Variants in LASP1 observed in about 807,000 individuals in gnomAD.
LASP1 encodes LIM and SH3 protein 1.
A neutral mutation model predicts 38.6 loss-of-function variants in LASP1; 10 were observed. The observed-to-expected ratio is 0.26, with a 90% CI of 0.16 to 0.44. The LOEUF is 0.44. LASP1 is among the 20% of genes least tolerant of loss of function. The pLI, the probability that LASP1 is intolerant of heterozygous loss-of-function variation, is 1.00. For missense variants in LASP1, 243 were observed against 375.7 expected (o/e 0.65, Z 2.92); for synonymous variants, 132 against 140.8 (o/e 0.94, Z 0.44).
Position 38,890,279 on chromosome 17 carries a change from C to T in LASP1, c.165-141C>T, listed in dbSNP as rs1196395034. The stretch of plus-strand genomic sequence containing the variant: ...GTCTCCCCTCGGCCTTGGTGGTGGA[C>T]ACTGAAGTCCTCCTGTGGGGCCGGG... On this transcript the variant is annotated intron_variant, in intron 2 of 6. Transcript: ENST00000318008. 10 of 682,856 alleles carry T rather than the reference C, an allele frequency of 1.5e-5. No homozygotes were observed. The Admixed American group carries it at 2.5e-4, about 17-fold the overall frequency. The allele number at this position is 682,856 out of a possible 1,614,324, so 42.3% of individuals were successfully genotyped here. A position where few individuals can be genotyped will look rare whatever the true frequency, so the allele number is the denominator to read the frequency against.
At chr17:38,887,839 C>T (rs1914187694) in intron 2 of LASP1, among the ~76,000 whole-genome samples, 1 of 152,220 alleles carries the variant, frequency 6.6e-6, no homozygotes, top group South Asian at 2.1e-4. Flanking sequence ...GGGGAAGTCG[C>T]CTGTTTACAG....
chr17:38,914,961 A>C (rs1218091697), intron 5 of LASP1, 82 bp from the exon 6 acceptor site: 3 of 1,292,736 alleles, frequency 2.3e-6, no homozygotes, highest in Non-Finnish European at 3.3e-6. Flanking sequence ...GTGGAAGTGC[A>C]TGGTATGGAC....
At chr17:38,903,325 A>T (rs1158945467) in intron 4 of LASP1, among the ~76,000 whole-genome samples, 1 of 152,160 alleles carries the variant, frequency 6.6e-6, no homozygotes, top group East Asian at 1.9e-4. Flanking sequence ...GGTTGCAAGG[A>T]ACATGCCAAG....
In LASP1 at chr17:38,919,228, C is replaced by G. The variant is rs1363726575; in HGVS notation, c.*450C>G. ...ATCCACTTCTTGGTTCCTGGGATGGCGATGGGGACTCTGCCGCTGTGTAGG... is the reference window on the plus strand; with the variant it reads ...ATCCACTTCTTGGTTCCTGGGATGGGGATGGGGACTCTGCCGCTGTGTAGG... On this transcript the variant is annotated 3_prime_UTR_variant, in exon 7 of 7. Transcript: ENST00000318008. 1 of 262,210 alleles carries G rather than the reference C, an allele frequency of 3.8e-6. No individual in the cohort carries two copies. Among genetic ancestry groups the G allele is most frequent in the East Asian group, 5.6e-5 (1 of 17,822 alleles). The allele number at this position is 262,210 out of a possible 1,614,324, so 16.2% of individuals were successfully genotyped here.
At chr17:38,877,945 C>T in intron 1 of LASP1, 141 bp from the exon 2 acceptor site, 1 of 630,338 alleles carries the variant, frequency 1.6e-6, no homozygotes, top group Non-Finnish European at 2.9e-6. Context: ...GCCCCCAGCT[C>T]ACCTGGGATG....
chr17:38,885,368 C>T (rs2143754316), intron 2 of LASP1, among the ~76,000 whole-genome samples: 1 of 152,322 alleles, frequency 6.6e-6, no homozygotes, highest in Non-Finnish European at 1.5e-5. Flanking sequence ...CTTTGTGTCT[C>T]TGTAAATTGT....
Position 38,920,343 on chromosome 17 carries a change from G to A in LASP1, c.*1565G>A, listed in dbSNP as rs982737228. ...AAAGCTCCCTTGAAGCAAGAAAGAGGGTCCCAGGGCTGCAAAACTGGAAGC... is the reference window on the plus strand; with the variant it reads ...AAAGCTCCCTTGAAGCAAGAAAGAGAGTCCCAGGGCTGCAAAACTGGAAGC... On this transcript the variant is annotated 3_prime_UTR_variant, in exon 7 of 7. Coordinates refer to ENST00000318008, the MANE Select transcript of LASP1 (RefSeq NM_006148.4). The A allele has an allele frequency of 8.1e-6, 3 of 369,942 alleles. No individual in the cohort carries two copies. The highest frequency in any genetic ancestry group is 6.0e-5 in the African/African-American group (3 of 49,978). The allele number at this position is 369,942 out of a possible 1,614,324, so 22.9% of individuals were successfully genotyped here.
At chr17:38,898,108 C>G (rs188513273) in intron 3 of LASP1, among the ~76,000 whole-genome samples, 21 of 152,252 alleles carry the variant, frequency 1.4e-4, no homozygotes, top group African/African-American at 5.1e-4. Flanking sequence ...TTTCCTGATC[C>G]GTAAATTGGA....
chr17:38,901,776 A>T (rs933113007), intron 4 of LASP1, among the ~76,000 whole-genome samples: 1 of 151,198 alleles, frequency 6.6e-6, no homozygotes, highest in African/African-American at 2.4e-5. Flanking sequence ...TTTTATTTTT[A>T]TTTTTTTGAG....
At chr17:38,906,222 G>A (rs1219903328) in intron 4 of LASP1, among the ~76,000 whole-genome samples, 1 of 151,952 alleles carries the variant, frequency 6.6e-6, no homozygotes, top group Non-Finnish European at 1.5e-5. Context: ...CAGTATTCTC[G>A]GGCTGGCTGA....
intron 1 of LASP1, among the ~76,000 whole-genome samples, chr17:38,870,843 T>G (rs1913585834): frequency 6.6e-6 from 1 of 152,180 alleles, no homozygotes; most frequent in Non-Finnish European, 1.5e-5. Flanking sequence ...AGAGCCCCGT[T>G]TTTGAACGAC....
At chr17:38,873,127 A>G (rs1015567133) in intron 1 of LASP1, among the ~76,000 whole-genome samples, 1 of 152,030 alleles carries the variant, frequency 6.6e-6, no homozygotes, top group African/African-American at 2.4e-5. Flanking sequence ...TTGCTTCCCC[A>G]GGTTTCTGAA....
intron 3 of LASP1, 39 bp downstream of exon 3, chr17:38,890,543 A>G (rs764389361): frequency 6.3e-7 from 1 of 1,579,474 alleles, no homozygotes; most frequent in Non-Finnish European, 8.7e-7. Flanking sequence ...GCAGGGAGGG[A>G]TGCTGGGGAG....
intron 4 of LASP1, among the ~76,000 whole-genome samples, chr17:38,899,922 G>T (rs1914593305): frequency 6.6e-6 from 1 of 151,728 alleles, no homozygotes; most frequent in Non-Finnish European, 1.5e-5. Flanking sequence ...TAGAGACAGG[G>T]TTTCACCATG....
intron 2 of LASP1, among the ~76,000 whole-genome samples, chr17:38,879,487 T>C (rs1228858416): frequency 6.6e-6 from 1 of 151,618 alleles, no homozygotes; most frequent in African/African-American, 2.4e-5. Flanking sequence ...ATTTTAACTT[T>C]TTTTTTTTTA....
intron 4 of LASP1, among the ~76,000 whole-genome samples, chr17:38,899,668 C>T (rs1914586237): frequency 6.6e-6 from 1 of 151,850 alleles, no homozygotes; most frequent in African/African-American, 2.4e-5. Flanking sequence ...ACCCATCTGA[C>T]AGGCATACAT....
intron 1 of LASP1, 62 bp downstream of exon 1, chr17:38,870,320 G>A (rs1913562394): frequency 1.3e-5 from 20 of 1,575,186 alleles, no homozygotes; most frequent in Non-Finnish European, 1.7e-5. Context: ...ATCCAGGGAG[G>A]AGAGAAGGGC....
chr17:38,873,033 T>C (rs1913655632), intron 1 of LASP1, among the ~76,000 whole-genome samples: 1 of 152,182 alleles, frequency 6.6e-6, no homozygotes, highest in South Asian at 2.1e-4. Context: ...TCAACAAATA[T>C]TTATTGAGCA....
chr17:38,906,965 C>A (rs554157930), intron 4 of LASP1, among the ~76,000 whole-genome samples: 1 of 152,126 alleles, frequency 6.6e-6, no homozygotes, highest in Non-Finnish European at 1.5e-5. Context: ...GGGCTTAGGG[C>A]GCTCCTCACT....
Sources: gnomAD v4.1 joint callset for allele counts (sites outside exome capture counted in the v4.1 genomes callset) on GRCh38, gnomAD v4.1.1 for gene constraint, MANE v1.5 for transcripts, NCBI Gene and HGNC (gene_info 2026-07-23, HGNC 2026-07-21) for gene names.